Variants in GRXCR1 observed in about 807,000 individuals in gnomAD.
GRXCR1 encodes glutaredoxin and cysteine rich domain containing 1.
Under a neutral mutation model 27.3 loss-of-function variants are expected in GRXCR1, and 27 were observed. The ratio of observed to expected loss-of-function variants is 0.99; its 90% CI spans 0.73 to 1.37. The LOEUF (loss-of-function observed/expected upper bound fraction) is 1.37, where lower values mean the gene tolerates loss of function less well. GRXCR1 is among the 40% of genes most tolerant of loss of function. GRXCR1 has a pLI of 0.00. For synonymous variants in GRXCR1, 122 were observed against 131.1 expected, an observed-to-expected ratio of 0.93 and a Z score of 0.47; for missense variants, 379 against 354.4, an observed-to-expected ratio of 1.07 and a Z score of -0.56.
chr4:42,914,668 T>C (rs1167484619), intron 1 of GRXCR1, among the ~76,000 whole-genome samples: 1 of 152,056 alleles, frequency 6.6e-6, no homozygotes, highest in Non-Finnish European at 1.5e-5. Context: ...GGACATGAGA[T>C]TTGGGAGGGT....
At chr4:42,938,695 G>C (rs566961968) in intron 1 of GRXCR1, among the ~76,000 whole-genome samples, 6 of 151,942 alleles carry the variant, frequency 3.9e-5, no homozygotes, top group Admixed American at 2.6e-4. Flanking sequence ...TGAGAGATAT[G>C]GGTCTAATTT....
chr4:42,902,927 C>T (rs546547526), intron 1 of GRXCR1, among the ~76,000 whole-genome samples: 5 of 152,192 alleles, frequency 3.3e-5, no homozygotes, highest in African/African-American at 9.6e-5. Context: ...GTCATTTGTC[C>T]CCAAGGGGTC....
intron 2 of GRXCR1, among the ~76,000 whole-genome samples, chr4:42,974,707 C>T (rs992375523): frequency 3.9e-5 from 6 of 152,022 alleles, no homozygotes; most frequent in South Asian, 2.1e-4. Flanking sequence ...GGGTAAGAGT[C>T]GGGATTAGAG....
At chr4:43,025,150 A>G (rs766992597) in intron 3 of GRXCR1, among the ~76,000 whole-genome samples, 1 of 152,206 alleles carries the variant, frequency 6.6e-6, no homozygotes, top group Non-Finnish European at 1.5e-5. Context: ...GCTACAAAGG[A>G]AGTCTATTTC....
In GRXCR1 at chr4:43,030,570, T is replaced by G; in HGVS notation, c.*30T>G. The stretch of plus-strand genomic sequence containing the variant: ...AGCTTCTACCCAGGAAAAACCTCAT[T>G]TTATTAATCAAAGGCAATACTTTGG... On this transcript the variant is annotated 3_prime_UTR_variant, in exon 4 of 4. Coordinates refer to ENST00000399770, the MANE Select transcript of GRXCR1 (RefSeq NM_001080476.3). 1 of 1,579,726 alleles carries G rather than the reference T, an allele frequency of 6.3e-7. No individual in the cohort carries two copies. Among genetic ancestry groups the G allele is most frequent in the African/African-American group, 1.3e-5 (1 of 74,412 alleles).
chr4:42,918,871 G>T (rs976267920), intron 1 of GRXCR1, among the ~76,000 whole-genome samples: 1 of 152,084 alleles, frequency 6.6e-6, no homozygotes, highest in Non-Finnish European at 1.5e-5. Context: ...TAAAAAGCGA[G>T]TGGAGTCTAG....
intron 1 of GRXCR1, among the ~76,000 whole-genome samples, chr4:42,905,616 T>C (rs1242381026): frequency 6.6e-6 from 1 of 152,202 alleles, no homozygotes; most frequent in Non-Finnish European, 1.5e-5. Flanking sequence ...TGTTGGTTGA[T>C]GTCCTCTCAT....
At chr4:42,974,328 G>C (rs532950606) in intron 2 of GRXCR1, among the ~76,000 whole-genome samples, 1 of 152,202 alleles carries the variant, frequency 6.6e-6, no homozygotes, top group Non-Finnish European at 1.5e-5. Context: ...GAAGTCAGTA[G>C]TTTCACTGGT....
chr4:43,004,538 G>A (rs1241311383), intron 2 of GRXCR1, among the ~76,000 whole-genome samples: 2 of 152,198 alleles, frequency 1.3e-5, no homozygotes, highest in African/African-American at 4.8e-5. Flanking sequence ...ATCATCTGTG[G>A]GGGGTAACCC....
intron 2 of GRXCR1, among the ~76,000 whole-genome samples, chr4:42,980,906 A>G (rs1482219701): frequency 1.3e-5 from 2 of 150,818 alleles, no homozygotes; most frequent in Non-Finnish European, 3.0e-5. Flanking sequence ...ATGTGCCCTT[A>G]CAGGTGAAGA....
At chr4:42,990,275 C>T (rs1401934916) in intron 2 of GRXCR1, among the ~76,000 whole-genome samples, 7 of 137,734 alleles carry the variant, frequency 5.1e-5, no homozygotes, top group Non-Finnish European at 9.2e-5. Flanking sequence ...CACTGCAAGC[C>T]CCGCCTCCCG....
rs1295032787 is a variant in GRXCR1, at chr4:42,902,470, C to T, written c.384+8820C>T. On this transcript the variant is annotated intron_variant, in intron 1 of 3. Coordinates refer to ENST00000399770, the MANE Select transcript of GRXCR1 (RefSeq NM_001080476.3). ...GCAAAGGATGTGATCTCAGTTATTT[C>T]GATGGCTGCATAGTATTCCATGGTG... Among the ~76,000 whole-genome samples the T allele has an allele frequency of 4.6e-5, 7 of 152,150 alleles. No homozygotes were observed. The East Asian group carries it at 5.8e-4, about 13-fold the overall frequency.
At chr4:43,016,760 T>C (rs1280345132) in intron 2 of GRXCR1, among the ~76,000 whole-genome samples, 2 of 152,168 alleles carry the variant, frequency 1.3e-5, no homozygotes, top group Non-Finnish European at 2.9e-5. Flanking sequence ...AATGCATGAA[T>C]GAGTACGGTA....
At chr4:43,022,906 C>A (rs1298825678) in intron 3 of GRXCR1, among the ~76,000 whole-genome samples, 2 of 152,166 alleles carry the variant, frequency 1.3e-5, no homozygotes, top group African/African-American at 4.8e-5. Flanking sequence ...CACAACTCTG[C>A]TAAATGAGTT....
At chr4:42,897,811 T>C (rs763020788) in intron 1 of GRXCR1, among the ~76,000 whole-genome samples, 36 of 151,914 alleles carry the variant, frequency 2.4e-4, no homozygotes, top group Non-Finnish European at 4.4e-4. Context: ...TTCTAAAATT[T>C]TTCAGTAATG....
chr4:42,930,391 C>T (rs1747275800), intron 1 of GRXCR1, among the ~76,000 whole-genome samples: 1 of 151,940 alleles, frequency 6.6e-6, no homozygotes, highest in Non-Finnish European at 1.5e-5. Context: ...ACTTCTAAAC[C>T]AAGCAATGGG....
At chr4:42,904,637 T>C (rs10029120) in intron 1 of GRXCR1, among the ~76,000 whole-genome samples, 104,816 of 152,006 alleles carry the variant, frequency 0.69, 36,594 homozygotes, top group Non-Finnish European at 0.73. Context: ...ATGAAATGAA[T>C]GAGTTATTGT....
chr4:43,012,526 A>G (rs1228710952), intron 2 of GRXCR1, among the ~76,000 whole-genome samples: 1 of 152,124 alleles, frequency 6.6e-6, no homozygotes. Flanking sequence ...GTGCTTGACA[A>G]TGATTCTTAG....
At chr4:42,965,854 C>T (rs1205133343) in intron 2 of GRXCR1, among the ~76,000 whole-genome samples, 1 of 151,890 alleles carries the variant, frequency 6.6e-6, no homozygotes, top group Non-Finnish European at 1.5e-5. Flanking sequence ...TTGTAGCTCC[C>T]TTTGCATTAC....
Sources: gnomAD v4.1 joint callset for allele counts (sites outside exome capture counted in the v4.1 genomes callset) on GRCh38, gnomAD v4.1.1 for gene constraint, MANE v1.5 for transcripts, NCBI Gene and HGNC (gene_info 2026-07-23, HGNC 2026-07-21) for gene names.